Variants in SLC9A9 observed in about 807,000 individuals in gnomAD.
SLC9A9 encodes solute carrier family 9 member A9.
Under a neutral mutation model 77.8 loss-of-function variants are expected in SLC9A9, and 62 were observed. That is an observed-to-expected ratio of 0.80 (90% CI 0.65 to 0.98). The LOEUF is 0.98. SLC9A9 is among the 50% of genes least tolerant of loss of function. The pLI, the probability that SLC9A9 is intolerant of heterozygous loss-of-function variation, is 0.00. For synonymous variants in SLC9A9, 320 were observed against 283.5 expected (o/e 1.13, Z -1.29); for missense variants, 775 against 774.9 (o/e 1.00, Z 0.00).
rs529875143 is a variant in SLC9A9 at position 143,418,777 on chromosome 3, G to C, written c.1470-36663C>G. The stretch of plus-strand genomic sequence containing the variant: ...TCAGTCTTGAGATCATGAATTTAAA[G>C]TGAAAACAGAGGCTTGATTGTGTGA... On this transcript the variant is annotated intron_variant, in intron 12 of 15. Transcript: ENST00000316549. Among the ~76,000 whole-genome samples, 17 of 152,300 alleles carry C rather than the reference G, an allele frequency of 1.1e-4. No individual in the cohort carries two copies. In the East Asian group the frequency reaches 1.4e-3, roughly 12 times the overall value.
rs774025101 is a variant in SLC9A9 at position 143,467,161 on chromosome 3, C to T, written c.1345G>A (p.Ala449Thr). The stretch of plus-strand genomic sequence containing the variant: ...GGCTGAGATTCTGTGTTCCGAATAG[C>T]TAAGGCAAATGCGATCGCTCCTCGC... ...GLRGAIAFALAIRNTESQPKQ... is the reference protein window; with the variant it reads ...GLRGAIAFALTIRNTESQPKQ... The change falls in exon 12 of 16, where the codon GCT (alanine) becomes ACT (threonine). Residue 449 changes from alanine to threonine, a missense_variant. Transcript: ENST00000316549. The T allele has an allele frequency of 3.3e-5, 54 of 1,614,058 alleles. No homozygotes were observed. Among genetic ancestry groups the T allele is most frequent in the Non-Finnish European group, 4.6e-5 (54 of 1,180,034 alleles).
At chr3:143,640,169 C>T (rs538411237) in intron 6 of SLC9A9, among the ~76,000 whole-genome samples, 9 of 151,888 alleles carry the variant, frequency 5.9e-5, no homozygotes, top group South Asian at 2.1e-4. Flanking sequence ...CTACAGGCAC[C>T]GGCCACCACG....
intron 12 of SLC9A9, among the ~76,000 whole-genome samples, chr3:143,420,383 AT>A (rs2034274997): frequency 1.3e-5 from 2 of 152,240 alleles, no homozygotes; most frequent in African/African-American, 4.8e-5. Flanking sequence ...TTAAAACTCT[AT>A]GGCAAAATTT....
chr3:143,823,546 A>T (rs996282062), intron 2 of SLC9A9, among the ~76,000 whole-genome samples: 3 of 152,168 alleles, frequency 2.0e-5, no homozygotes, highest in African/African-American at 7.2e-5. Flanking sequence ...GCTTGAGGGG[A>T]TGGCTTTCCC....
chr3:143,507,634 A>G (rs1313389680), intron 9 of SLC9A9, among the ~76,000 whole-genome samples: 1 of 152,254 alleles, frequency 6.6e-6, no homozygotes, highest in African/African-American at 2.4e-5. Context: ...GGTGTTAAAC[A>G]TTACTTGTGT....
intron 8 of SLC9A9, among the ~76,000 whole-genome samples, chr3:143,556,784 T>C (rs1039615482): frequency 6.6e-6 from 1 of 152,218 alleles, no homozygotes; most frequent in Non-Finnish European, 1.5e-5. Flanking sequence ...TGATATTCTC[T>C]TGTGGTTATC....
intron 12 of SLC9A9, among the ~76,000 whole-genome samples, chr3:143,456,381 C>T (rs1017746990): frequency 6.6e-6 from 1 of 152,026 alleles, no homozygotes; most frequent in Admixed American, 6.5e-5. Context: ...TGATGTTTTA[C>T]TTTTGTATTA....
intron 8 of SLC9A9, among the ~76,000 whole-genome samples, chr3:143,566,199 T>A (rs1186705489): frequency 6.6e-6 from 1 of 152,154 alleles, no homozygotes; most frequent in African/African-American, 2.4e-5. Context: ...TTTCCCTCAC[T>A]GCTTACTCTA....
At chr3:143,336,257 T>C (rs1000645842) in intron 14 of SLC9A9, among the ~76,000 whole-genome samples, 1 of 152,130 alleles carries the variant, frequency 6.6e-6, no homozygotes, top group African/African-American at 2.4e-5. Flanking sequence ...GATGAGGACA[T>C]GGAGAAATTG....
chr3:143,437,260 G>C (rs971842952), intron 12 of SLC9A9, among the ~76,000 whole-genome samples: 2 of 152,246 alleles, frequency 1.3e-5, no homozygotes, highest in Admixed American at 6.5e-5. Context: ...CAAAGATACA[G>C]TGCTCCTATG....
At position 143,540,953 on chromosome 3, in the gene SLC9A9, C is replaced by G. The variant is rs140684823; in HGVS notation, c.1089+11409G>C. Among the ~76,000 whole-genome samples the G allele has an allele frequency of 2.1e-3, 324 of 152,270 alleles. 2 individuals carry two copies. Among genetic ancestry groups the G allele is most frequent in the African/African-American group, 7.2e-3 (300 of 41,562 alleles). On this transcript the variant is annotated intron_variant, in intron 9 of 15. Coordinates refer to ENST00000316549, the MANE Select transcript of SLC9A9 (RefSeq NM_173653.4). ...ATATGGCTAAAATTGAATGAAGAAG[C>G]AGAAAACCTAAATATTCAACCATAT...
intron 5 of SLC9A9, among the ~76,000 whole-genome samples, chr3:143,664,108 C>A (rs1188931759): frequency 6.6e-6 from 1 of 152,108 alleles, no homozygotes; most frequent in African/African-American, 2.4e-5. Flanking sequence ...CAAAGGGAAT[C>A]CCAACAGACT....
At chr3:143,547,745 C>T (rs111231236) in intron 9 of SLC9A9, among the ~76,000 whole-genome samples, 101 of 152,280 alleles carry the variant, frequency 6.6e-4, no homozygotes, top group African/African-American at 2.2e-3. Flanking sequence ...CTTGCTGAGG[C>T]CTTTTCTGGA....
chr3:143,499,550 CCA>C (rs1411252644), intron 9 of SLC9A9, among the ~76,000 whole-genome samples: 1 of 152,020 alleles, frequency 6.6e-6, no homozygotes, highest in Non-Finnish European at 1.5e-5. Context: ...TTTTTGATTT[CCA>C]CAGTCATGTT....
chr3:143,734,525 G>T (rs1296698277), intron 4 of SLC9A9, among the ~76,000 whole-genome samples: 1 of 152,050 alleles, frequency 6.6e-6, no homozygotes, highest in East Asian at 1.9e-4. Flanking sequence ...CACGAGGTCA[G>T]GAGATCGAGA....
intron 14 of SLC9A9, among the ~76,000 whole-genome samples, chr3:143,330,126 G>C (rs780198156): frequency 1.3e-5 from 2 of 152,180 alleles, no homozygotes; most frequent in South Asian, 2.1e-4. Flanking sequence ...TGTGTGACCC[G>C]ATCACTGCCG....
chr3:143,634,735 A>G (rs59945058), intron 6 of SLC9A9, among the ~76,000 whole-genome samples: 47,328 of 151,888 alleles, frequency 0.31, 7,693 homozygotes, highest in African/African-American at 0.4. Context: ...TTTGTCTACA[A>G]TTTTTCTGAA....
intron 9 of SLC9A9, among the ~76,000 whole-genome samples, chr3:143,549,513 A>C (rs986512226): frequency 5.9e-5 from 9 of 152,164 alleles, no homozygotes; most frequent in African/African-American, 1.4e-4. Context: ...AGGCACCCCC[A>C]AAAAAAGGCA....
At chr3:143,594,964 T>C (rs1258730599) in intron 6 of SLC9A9, among the ~76,000 whole-genome samples, 1 of 152,210 alleles carries the variant, frequency 6.6e-6, no homozygotes, top group Non-Finnish European at 1.5e-5. Context: ...ATTAAAACAT[T>C]ATTTTTCTAT....
Sources: allele counts gnomAD v4.1 joint callset (sites outside exome capture counted in the v4.1 genomes callset), GRCh38; gene constraint gnomAD v4.1.1; transcripts MANE v1.5; gene names NCBI Gene and HGNC (gene_info 2026-07-23, HGNC 2026-07-21).